The following TSHZ2 variants were observed in gnomAD, a reference collection of about 807,000 sequenced individuals.
TSHZ2 encodes the protein teashirt zinc finger homeobox 2.
A neutral mutation model predicts 74.4 loss-of-function variants in TSHZ2; 21 were observed. That is an observed-to-expected ratio of 0.28 (90% CI 0.20 to 0.41). The LOEUF (loss-of-function observed/expected upper bound fraction) is 0.41, where lower values mean the gene tolerates loss of function less well. Ranked by LOEUF, TSHZ2 falls within the 10% of genes least tolerant of loss-of-function variation. The pLI is 1.00. For missense variants in TSHZ2, 1,244 were observed against 1,293.5 expected (o/e 0.96, Z 0.59); for synonymous variants, 540 against 515.3 (o/e 1.05, Z -0.65).
intron 2 of TSHZ2, among the ~76,000 whole-genome samples, chr20:53,345,813 T>G (rs1342843403): frequency 7.2e-6 from 1 of 139,376 alleles, no homozygotes; most frequent in East Asian, 2.3e-4. Flanking sequence ...CTGCCACCCC[T>G]AAGGCGGTGG....
chr20:53,044,518 G>A (rs755135339), intron 1 of TSHZ2, among the ~76,000 whole-genome samples: 12 of 152,114 alleles, frequency 7.9e-5, no homozygotes, highest in Non-Finnish European at 1.3e-4. Flanking sequence ...CACTAGCTAC[G>A]GCCATCAGCG....
intron 1 of TSHZ2, among the ~76,000 whole-genome samples, chr20:52,991,098 G>C (rs1260306576): frequency 6.6e-6 from 1 of 151,590 alleles, no homozygotes; most frequent in Non-Finnish European, 1.5e-5. Context: ...GGGGAAGAGA[G>C]CATGAAAAGC....
chr20:53,001,234 G>GTA (rs1439629473), intron 1 of TSHZ2, among the ~76,000 whole-genome samples: 43 of 137,720 alleles, frequency 3.1e-4, no homozygotes, highest in Non-Finnish European at 5.2e-4. Flanking sequence ...GTGTGTGTGT[G>GTA]TGTGTGTGTG....
At position 53,106,391 on chromosome 20, in the gene TSHZ2, C is replaced by CTTTTTTTTTTTTTTTTT. The variant is rs71194458; in HGVS notation, c.40+133073_40+133089dup. 6.8e-5 allele frequency among the ~76,000 whole-genome samples: 4 copies of CTTTTTTTTTTTTTTTTT among 58,938 alleles called. 1 individual carries two copies. The highest frequency in any genetic ancestry group is 6.4e-4 in the East Asian group (1 of 1,566). The allele number at this position is 58,938 out of a possible 152,430, so 38.7% of individuals were successfully genotyped here. A position where few individuals can be genotyped will look rare whatever the true frequency, so the allele number is the denominator to read the frequency against. On this transcript the variant is annotated intron_variant, in intron 1 of 2. Coordinates refer to ENST00000371497, the MANE Select transcript of TSHZ2 (RefSeq NM_173485.6). ...TTCCTCTAGGGCCTTCTCACACTTT[C>CTTTTTTTTTTTTTTTTT]TTTTTTTTTTTTTTTTTTTTTTTTT... is the stretch of plus-strand genomic sequence containing the variant.
At chr20:53,375,595 G>A (rs1049685688) in intron 2 of TSHZ2, among the ~76,000 whole-genome samples, 2 of 152,070 alleles carry the variant, frequency 1.3e-5, no homozygotes, top group Non-Finnish European at 2.9e-5. Flanking sequence ...GCACAAGCAA[G>A]CAATTGCTGA....
At chr20:53,253,291 C>T (rs1263732305) in intron 1 of TSHZ2, among the ~76,000 whole-genome samples, 3 of 142,596 alleles carry the variant, frequency 2.1e-5, no homozygotes, top group African/African-American at 8.1e-5. Context: ...AATTATGACT[C>T]CTGCCAATTG....
chr20:53,326,724 T>C (rs990674773), intron 2 of TSHZ2, among the ~76,000 whole-genome samples: 2 of 152,200 alleles, frequency 1.3e-5, no homozygotes, highest in African/African-American at 4.8e-5. Flanking sequence ...AAATATCTTA[T>C]TGCAGAAAGG....
rs201432855 is a variant in TSHZ2, at chr20:53,204,407, C to T, written c.41-49092C>T. Among the ~76,000 whole-genome samples the T allele has an allele frequency of 1.7e-3, 219 of 132,204 alleles. 15 individuals are homozygous for T. Among genetic ancestry groups the T allele is most frequent in the African/African-American group, 6.0e-3 (206 of 34,296 alleles). The allele number at this position is 132,204 out of a possible 152,430, so 86.7% of individuals were successfully genotyped here. ...GATATGATACTATATCATCATATAA[C>T]ATGATGATATGATACTATTATATCA... On this transcript the variant is annotated intron_variant, in intron 1 of 2. Coordinates refer to ENST00000371497, the MANE Select transcript of TSHZ2 (RefSeq NM_173485.6).
intron 1 of TSHZ2, among the ~76,000 whole-genome samples, chr20:53,048,070 C>T (rs1317181698): frequency 6.6e-6 from 1 of 152,166 alleles, no homozygotes; most frequent in African/African-American, 2.4e-5. Flanking sequence ...GTACTCTGTG[C>T]TTGAATACAG....
At chr20:53,339,339 A>T (rs1332953354) in intron 2 of TSHZ2, among the ~76,000 whole-genome samples, 1 of 151,998 alleles carries the variant, frequency 6.6e-6, no homozygotes, top group Non-Finnish European at 1.5e-5. Flanking sequence ...GTGGCTGCGG[A>T]GGCCTGAGTT....
At chr20:53,067,493 T>C (rs1985028913) in intron 1 of TSHZ2, among the ~76,000 whole-genome samples, 1 of 152,222 alleles carries the variant, frequency 6.6e-6, no homozygotes, top group African/African-American at 2.4e-5. Context: ...AACCTTTCTC[T>C]TTCTAGCCCT....
intron 1 of TSHZ2, among the ~76,000 whole-genome samples, chr20:53,241,865 G>A (rs1367132163): frequency 1.3e-5 from 2 of 152,152 alleles, no homozygotes; most frequent in Non-Finnish European, 2.9e-5. Flanking sequence ...TTGAACCCAG[G>A]TGGGCTTGCT....
At chr20:53,308,218 G>C (rs1177589205) in intron 2 of TSHZ2, among the ~76,000 whole-genome samples, 2 of 152,218 alleles carry the variant, frequency 1.3e-5, no homozygotes, top group Non-Finnish European at 2.9e-5. Context: ...AAGTTTCTCT[G>C]AGAAGACAGA....
intron 2 of TSHZ2, among the ~76,000 whole-genome samples, chr20:53,272,860 A>G (rs918768679): frequency 6.6e-6 from 1 of 152,224 alleles, no homozygotes; most frequent in African/African-American, 2.4e-5. Flanking sequence ...GCAGGTTGAT[A>G]ATAATACTAA....
intron 1 of TSHZ2, among the ~76,000 whole-genome samples, chr20:53,175,886 G>A (rs1226779839): frequency 6.6e-6 from 1 of 152,168 alleles, no homozygotes; most frequent in African/African-American, 2.4e-5. Context: ...CCAGGTGTGG[G>A]GAATCCTTCA....
intron 2 of TSHZ2, among the ~76,000 whole-genome samples, chr20:53,484,045 A>G (rs1986228090): frequency 6.6e-6 from 1 of 152,176 alleles, no homozygotes; most frequent in Non-Finnish European, 1.5e-5. Flanking sequence ...GCAGTTTCCA[A>G]AAGTCCACCA....
chr20:53,031,520 A>G (rs981674748), intron 1 of TSHZ2, among the ~76,000 whole-genome samples: 2 of 152,216 alleles, frequency 1.3e-5, no homozygotes, highest in African/African-American at 4.8e-5. Context: ...CTGGGTTTAT[A>G]GAGAAAGGCC....
At chr20:53,166,994 G>A (rs1338257061) in intron 1 of TSHZ2, among the ~76,000 whole-genome samples, 1 of 152,194 alleles carries the variant, frequency 6.6e-6, no homozygotes, top group Non-Finnish European at 1.5e-5. Flanking sequence ...AACGGTCAGA[G>A]GAAGGTGACA....
In TSHZ2 at chr20:53,000,993, C is replaced by A. The variant is rs1982386582; in HGVS notation, c.40+27660C>A. Among the ~76,000 whole-genome samples the A allele has an allele frequency of 3.3e-5, 5 of 152,226 alleles. No individual in the cohort carries two copies. The South Asian group carries it at 1.0e-3, about 32-fold the overall frequency. Reference sequence around the variant, plus strand: ...GGATTCAGAGGTTTGGTGGGGAAATCTGAGAGGCTCTCTAGTTCAGCCAGG... The same window carrying A: ...GGATTCAGAGGTTTGGTGGGGAAATATGAGAGGCTCTCTAGTTCAGCCAGG... On this transcript the variant is annotated intron_variant, in intron 1 of 2. Transcript: ENST00000371497.
Sources: allele counts gnomAD v4.1 joint callset (sites outside exome capture counted in the v4.1 genomes callset), GRCh38; gene constraint gnomAD v4.1.1; transcripts MANE v1.5; gene names NCBI Gene and HGNC (gene_info 2026-07-23, HGNC 2026-07-21).